PRKAG2: variants seen among roughly 807,000 people sequenced by gnomAD.
PRKAG2 encodes the protein 5'-AMP-activated protein kinase subunit gamma-2.
A neutral mutation model predicts 69.6 loss-of-function variants in PRKAG2; 26 were observed. The ratio of observed to expected loss-of-function variants is 0.37; its 90% confidence interval spans 0.27 to 0.52. PRKAG2 has a LOEUF of 0.52. PRKAG2 is among the 20% of genes least tolerant of loss of function. The pLI is 0.90. For missense variants in PRKAG2, 557 were observed against 740.0 expected (o/e 0.75, Z 2.87); for synonymous variants, 293 against 285.0 (o/e 1.03, Z -0.28).
chr7:151,619,316 A>G (rs6946446), intron 5 of PRKAG2, among the ~76,000 whole-genome samples: 3,253 of 152,296 alleles, frequency 0.021, 103 homozygotes, highest in African/African-American at 0.073. Context: ...GCCAGGCCAG[A>G]AGAGTGAGAC....
Position 151,781,322 on chromosome 7 carries a change from G to A in PRKAG2, c.296C>T (p.Pro99Leu). 6.2e-7 allele frequency: 1 copy of A among 1,614,048 alleles called. No homozygotes were observed. The highest frequency in any genetic ancestry group is 1.1e-5 in the South Asian group (1 of 91,086). The change falls in exon 3 of 16, where the codon CCC (proline) becomes CTC (leucine). Residue 99 changes from proline to leucine, a missense_variant. Coordinates refer to ENST00000287878, the MANE Select transcript of PRKAG2 (RefSeq NM_016203.4). This position sits in a 1 kb window ranked among gnomAD's most constrained non-coding sequence, Gnocchi z 6.1. ...MSAPVRPKTS[P>L]GSPKTVFPFS... ...CGGGAACACGGTTTTGGGAGAGCCGGGGCTGGTCTTGGGCCTCACAGGTGC... is the reference window on the plus strand; with the variant it reads ...CGGGAACACGGTTTTGGGAGAGCCGAGGCTGGTCTTGGGCCTCACAGGTGC...
In PRKAG2 at chr7:151,619,174, A is replaced by C. The variant is rs571268584; in HGVS notation, c.754+12895T>G. On this transcript the variant is annotated intron_variant, in intron 5 of 15. Coordinates refer to ENST00000287878, the MANE Select transcript of PRKAG2 (RefSeq NM_016203.4). The stretch of plus-strand genomic sequence containing the variant: ...TTAAAATGGTTTTGCATAGAATTCT[A>C]GGAACTATTAATACATAATTAAAGC... Among the ~76,000 whole-genome samples, 7 of 152,342 alleles carry C rather than the reference A, an allele frequency of 4.6e-5. No individual in the cohort carries two copies. The South Asian group carries it at 1.2e-3, about 27-fold the overall frequency.
intron 1 of PRKAG2, among the ~76,000 whole-genome samples, chr7:151,794,306 T>G (rs1384864303): frequency 1.3e-5 from 2 of 152,262 alleles, no homozygotes; most frequent in Admixed American, 6.5e-5. Flanking sequence ...GCAGAATCCC[T>G]GGCCCGGAGT....
intron 6 of PRKAG2, among the ~76,000 whole-genome samples, chr7:151,577,309 A>T (rs1349183171): frequency 2.0e-5 from 3 of 152,192 alleles, no homozygotes; most frequent in African/African-American, 7.2e-5. Flanking sequence ...CACTCATAAC[A>T]AATATCTTTT....
rs2078154737 is a variant in PRKAG2, at chr7:151,807,173, TTACG to T, written c.115-20636_115-20633del. 1 of 368,500 alleles carries T rather than the reference TTACG, an allele frequency of 2.7e-6. No homozygotes were observed. The highest frequency in any genetic ancestry group is 2.1e-5 in the African/African-American group (1 of 47,096). The allele number at this position is 368,500 out of a possible 1,614,324, so 22.8% of individuals were successfully genotyped here. ...GCGGTGGTCACATGACTGTGCACACTTACGACAACCCATCTAATTGTATACTGTC... is the reference window on the plus strand; with the variant it reads ...GCGGTGGTCACATGACTGTGCACACTACAACCCATCTAATTGTATACTGTC... On this transcript the variant is annotated intron_variant, in intron 1 of 15. Transcript: ENST00000287878. The surrounding 1 kb of genome is among the most constrained non-coding windows in gnomAD (Gnocchi z 4.4).
chr7:151,827,750 A>T (rs1275366483), intron 1 of PRKAG2, among the ~76,000 whole-genome samples: 2 of 139,896 alleles, frequency 1.4e-5, no homozygotes, highest in Non-Finnish European at 3.1e-5. Flanking sequence ...TTAGGTAAAA[A>T]AAAAAAAAAA....
chr7:151,856,747 G>A (rs1040556268), intron 1 of PRKAG2, among the ~76,000 whole-genome samples: 3 of 152,170 alleles, frequency 2.0e-5, no homozygotes, highest in South Asian at 2.1e-4. Flanking sequence ...CGTCCCCACC[G>A]GAGCACGGTC....
At chr7:151,570,286 C>T in intron 9 of PRKAG2, 61 bp from the exon 10 acceptor site, 1 of 1,526,944 alleles carries the variant, frequency 6.5e-7, no homozygotes, top group Non-Finnish European at 9.0e-7. Flanking sequence ...AGTTATAACA[C>T]AAATTCAAAT....
intron 3 of PRKAG2, among the ~76,000 whole-genome samples, chr7:151,740,093 C>T (rs1033319917): frequency 5.9e-5 from 9 of 152,222 alleles, no homozygotes; most frequent in Non-Finnish European, 7.3e-5. Context: ...TGGGAGGCAC[C>T]GGACAGTCAC....
chr7:151,850,796 T>A lies in PRKAG2; in HGVS notation c.114+25711A>T, dbSNP rs2079549954. Among the ~76,000 whole-genome samples, 1 of 152,192 alleles carries A rather than the reference T, an allele frequency of 6.6e-6. No individual in the cohort carries two copies. On this transcript the variant is annotated intron_variant, in intron 1 of 15. Transcript: ENST00000287878. This position sits in a 1 kb window ranked among gnomAD's most constrained non-coding sequence, Gnocchi z 4.1. ...TGCAAATCAGTTCAGCTCAGTGAGT[T>A]TTAATTCAGTGTCTACTTTGATGCT...
At chr7:151,630,567 C>T (rs887938039) in intron 5 of PRKAG2, among the ~76,000 whole-genome samples, 1 of 152,184 alleles carries the variant, frequency 6.6e-6, no homozygotes, top group African/African-American at 2.4e-5. Context: ...AGTAACTTGT[C>T]CAAGGTCACA....
At chr7:151,669,665 A>T (rs146005409) in intron 4 of PRKAG2, among the ~76,000 whole-genome samples, 1 of 144,360 alleles carries the variant, frequency 6.9e-6, no homozygotes, top group African/African-American at 2.5e-5. Flanking sequence ...CTCAATATCC[A>T]CTTGCCCTTT....
intron 6 of PRKAG2, among the ~76,000 whole-genome samples, chr7:151,579,258 G>C (rs1235921373): frequency 6.6e-6 from 1 of 152,188 alleles, no homozygotes; most frequent in Non-Finnish European, 1.5e-5. Context: ...CTGGGCTTAA[G>C]TGATCCTCCT....
At chr7:151,862,931 G>C (rs2079969507) in intron 1 of PRKAG2, among the ~76,000 whole-genome samples, 1 of 151,844 alleles carries the variant, frequency 6.6e-6, no homozygotes, top group Non-Finnish European at 1.5e-5. Flanking sequence ...GGCACTGGTA[G>C]GCCTCTGGGT....
At chr7:151,755,894 G>C (rs533900843) in intron 3 of PRKAG2, among the ~76,000 whole-genome samples, 4 of 152,204 alleles carry the variant, frequency 2.6e-5, no homozygotes, top group African/African-American at 9.7e-5. Flanking sequence ...GCAGTTGCTC[G>C]TGTTCTTTGG....
chr7:151,785,798 C>T (rs111592994), intron 2 of PRKAG2, among the ~76,000 whole-genome samples: 36 of 152,104 alleles, frequency 2.4e-4, no homozygotes, highest in African/African-American at 4.8e-4. Context: ...TGGACCTCTG[C>T]GCCCTGCCAC....
At chr7:151,848,302 C>T (rs140208055) in intron 1 of PRKAG2, among the ~76,000 whole-genome samples, 1 of 152,128 alleles carries the variant, frequency 6.6e-6, no homozygotes, top group African/African-American at 2.4e-5. Context: ...ACCAGTGAGG[C>T]CTACTTTTGT....
intron 1 of PRKAG2, among the ~76,000 whole-genome samples, chr7:151,825,882 GC>G (rs1290775775): frequency 1.3e-5 from 2 of 152,060 alleles, no homozygotes; most frequent in Non-Finnish European, 1.5e-5. Flanking sequence ...CCCTTTCCTG[GC>G]CCCAATTGCC....
At chr7:151,627,834 T>A in intron 5 of PRKAG2, among the ~76,000 whole-genome samples, 1 of 152,150 alleles carries the variant, frequency 6.6e-6, no homozygotes, top group East Asian at 1.9e-4. Context: ...AGCTAATTTT[T>A]AAAATTTTTT....
Sources: gnomAD v4.1 joint callset for allele counts (sites outside exome capture counted in the v4.1 genomes callset) on GRCh38, gnomAD v4.1.1 for gene constraint, Gnocchi (gnomAD v3.1) non-coding constraint, MANE v1.5 for transcripts, NCBI Gene and HGNC (gene_info 2026-07-23, HGNC 2026-07-21) for gene names.